CPM: variants seen among roughly 807,000 people sequenced by gnomAD.
CPM encodes the protein carboxypeptidase M.
A neutral mutation model predicts 46.4 loss-of-function variants in CPM; 35 were observed. That is an observed-to-expected ratio of 0.75 (90% confidence interval 0.58 to 1.00). CPM has a LOEUF of 1.00. Ranked by LOEUF, CPM falls within the 50% of genes least tolerant of loss-of-function variation. The pLI, the probability that CPM is intolerant of heterozygous loss-of-function variation, is 0.00. For missense variants in CPM, 422 were observed against 530.4 expected (o/e 0.80, Z 2.01); for synonymous variants, 195 against 195.3 (o/e 1.00, Z 0.01).
intron 3 of CPM, among the ~76,000 whole-genome samples, chr12:68,873,842 G>C (rs1177814731): frequency 6.6e-6 from 1 of 150,862 alleles, no homozygotes; most frequent in East Asian, 2.0e-4. Flanking sequence ...GTCTCACTCT[G>C]TCACCCAGGC....
intron 2 of CPM, among the ~76,000 whole-genome samples, chr12:68,917,693 A>G (rs1887866832): frequency 6.6e-6 from 1 of 152,210 alleles, no homozygotes. Context: ...GCAGTGGTCA[A>G]AATATATCAA....
Position 68,867,988 on chromosome 12 carries a change from C to T in CPM, c.788-940G>A, listed in dbSNP as rs564719554. On this transcript the variant is annotated intron_variant, in intron 6 of 8. Transcript: ENST00000551568. ...GCCAGGCCAGGCACATTCTTCTGGGCTCCTCAAGGCAGCTGGCTTCACCTG... is the reference window on the plus strand; with the variant it reads ...GCCAGGCCAGGCACATTCTTCTGGGTTCCTCAAGGCAGCTGGCTTCACCTG... 5.5e-3 allele frequency among the ~76,000 whole-genome samples: 832 copies of T among 152,320 alleles called. 7 individuals are homozygous for T. Among genetic ancestry groups the T allele is most frequent in the African/African-American group, 0.017 (689 of 41,570 alleles).
intron 2 of CPM, among the ~76,000 whole-genome samples, chr12:68,911,418 G>C (rs1887590394): frequency 6.6e-6 from 1 of 152,172 alleles, no homozygotes; most frequent in Non-Finnish European, 1.5e-5. Context: ...AATCTACCAG[G>C]TACTTGCTTT....
At chr12:68,898,617 T>C (rs1263708663) in intron 2 of CPM, among the ~76,000 whole-genome samples, 1 of 152,186 alleles carries the variant, frequency 6.6e-6, no homozygotes, top group Non-Finnish European at 1.5e-5. Context: ...AGTAAAGACA[T>C]CAAAACCAGC....
chr12:68,939,288 T>C (rs950759865), intron 1 of CPM, among the ~76,000 whole-genome samples: 3 of 147,596 alleles, frequency 2.0e-5, no homozygotes, highest in African/African-American at 7.4e-5. Flanking sequence ...TATATACATA[T>C]AGTATATGTA....
At chr12:68,870,420 T>G in intron 4 of CPM, 21 bp from the exon 5 acceptor site, 6 of 1,604,834 alleles carry the variant, frequency 3.7e-6, no homozygotes, top group Non-Finnish European at 5.1e-6. Context: ...AAGAATATTT[T>G]AGGGCTTATT....
intron 8 of CPM, among the ~76,000 whole-genome samples, chr12:68,858,235 T>C (rs963798511): frequency 2.6e-5 from 4 of 152,142 alleles, no homozygotes; most frequent in Non-Finnish European, 5.9e-5. Flanking sequence ...AATAGAAGAA[T>C]CCTGAATTTC....
intron 2 of CPM, among the ~76,000 whole-genome samples, chr12:68,901,522 T>A (rs1224532684): frequency 6.6e-6 from 1 of 152,176 alleles, no homozygotes; most frequent in Non-Finnish European, 1.5e-5. Context: ...TTATTAAACC[T>A]CTCTATTTGG....
intron 1 of CPM, among the ~76,000 whole-genome samples, chr12:68,951,577 G>T (rs1355344240): frequency 1.3e-5 from 2 of 152,162 alleles, no homozygotes; most frequent in Non-Finnish European, 2.9e-5. Flanking sequence ...TATTATGTGT[G>T]CAAAGCTGAT....
chr12:68,934,877 T>C (rs1288745356), upstream of CPM, among the ~76,000 whole-genome samples: 3 of 152,194 alleles, frequency 2.0e-5, no homozygotes, highest in Admixed American at 6.5e-5. Flanking sequence ...TAAAGGGAAT[T>C]TTCCAAGAGT....
At chr12:68,902,057 C>A (rs564647520) in intron 2 of CPM, among the ~76,000 whole-genome samples, 1 of 152,104 alleles carries the variant, frequency 6.6e-6, no homozygotes, top group African/African-American at 2.4e-5. Context: ...TATCCTTTAA[C>A]GAAATCATAA....
chr12:68,905,956 G>A (rs2136284649), intron 2 of CPM, among the ~76,000 whole-genome samples: 1 of 152,196 alleles, frequency 6.6e-6, no homozygotes, highest in East Asian at 1.9e-4. Context: ...GTTTATGAGG[G>A]GTTATCTGTG....
At chr12:68,873,952 C>G (rs1440778682) in intron 3 of CPM, among the ~76,000 whole-genome samples, 2 of 151,924 alleles carry the variant, frequency 1.3e-5, no homozygotes, top group Non-Finnish European at 2.9e-5. Flanking sequence ...ATTACAGGTG[C>G]CCACCAGCAT....
chr12:68,900,185 T>G (rs959925169), intron 2 of CPM, among the ~76,000 whole-genome samples: 1 of 151,422 alleles, frequency 6.6e-6, no homozygotes, highest in Admixed American at 6.6e-5. Context: ...AATAAGAAAA[T>G]AAACAACTCA....
chr12:68,913,980 A>G, intron 2 of CPM: 1 of 720,668 alleles, frequency 1.4e-6, no homozygotes, highest in East Asian at 2.6e-5. Flanking sequence ...ATGCAGCTAC[A>G]CAGATATTAT....
At chr12:68,873,073 T>G (rs1051877220) in intron 3 of CPM, among the ~76,000 whole-genome samples, 2 of 152,252 alleles carry the variant, frequency 1.3e-5, no homozygotes, top group East Asian at 3.8e-4. Context: ...CCTATCATTT[T>G]AGGTTCAAGG....
In CPM at chr12:68,852,805, G is replaced by C. The variant is rs1029603379; in HGVS notation, c.*3632C>G. 1.3e-5 allele frequency: 2 copies of C among 151,790 alleles called. No homozygotes were observed. The highest frequency in any genetic ancestry group is 4.8e-5 in the African/African-American group (2 of 41,298). 9.4% of individuals were successfully genotyped at this position (151,790 alleles called of 1,614,324 possible). A position where few individuals can be genotyped will look rare whatever the true frequency, so the allele number is the denominator to read the frequency against. ...TCGAGCTCCTGACCTCAAGTGATCC[G>C]CCTGCCTCAGCCTCCCAAAGTGCTG... is the stretch of plus-strand genomic sequence containing the variant. On this transcript the variant is annotated 3_prime_UTR_variant, in exon 9 of 9. Coordinates refer to ENST00000551568, the MANE Select transcript of CPM (RefSeq NM_198320.5).
intron 1 of CPM, among the ~76,000 whole-genome samples, chr12:68,961,398 G>A (rs1889109278): frequency 6.6e-6 from 1 of 151,892 alleles, no homozygotes; most frequent in Non-Finnish European, 1.5e-5. Context: ...ACCTGCCTTG[G>A]GTCTCCCAGA....
chr12:68,906,819 C>A (rs1308590536), intron 2 of CPM, among the ~76,000 whole-genome samples: 1 of 152,248 alleles, frequency 6.6e-6, no homozygotes, highest in Non-Finnish European at 1.5e-5. Flanking sequence ...AGCCTCAAAG[C>A]ACCCTTGTGC....
Sources: gnomAD v4.1 joint callset for allele counts (sites outside exome capture counted in the v4.1 genomes callset) on GRCh38, gnomAD v4.1.1 for gene constraint, MANE v1.5 for transcripts, NCBI Gene and HGNC (gene_info 2026-07-23, HGNC 2026-07-21) for gene names.